Variants in NXPE2 observed in about 807,000 individuals in gnomAD.
NXPE2 encodes NXPE family member 2.
A neutral mutation model predicts 34.4 loss-of-function variants in NXPE2; 34 were observed. That is an observed-to-expected ratio of 0.99 (90% confidence interval 0.75 to 1.31). The LOEUF is 1.31. Among genes scored for constraint, NXPE2 ranks in the 40% most tolerant of loss-of-function variants. The probability of loss-of-function intolerance (pLI) is 0.00; values close to 1 mark genes in which losing one functional copy is unlikely to be tolerated. For synonymous variants in NXPE2, 235 were observed against 231.3 expected, an observed-to-expected ratio of 1.02 and a Z score of -0.15; for missense variants, 649 against 672.5, an observed-to-expected ratio of 0.97 and a Z score of 0.39.
chr11:114,691,481 G>A (rs796304572), intron 2 of NXPE2, among the ~76,000 whole-genome samples: 5 of 152,202 alleles, frequency 3.3e-5, no homozygotes, highest in African/African-American at 9.6e-5. Context: ...AGTAATAGCT[G>A]GCAGCTAGGG....
the NXPE2 span, among the ~76,000 whole-genome samples, chr11:114,764,351 G>T: frequency 6.6e-6 from 1 of 151,632 alleles, no homozygotes; most frequent in African/African-American, 2.4e-5. Flanking sequence ...AAGAGTCTTT[G>T]TTCTTAAAGA....
chr11:114,765,026 G>A, the NXPE2 span, among the ~76,000 whole-genome samples: 7 of 152,168 alleles, frequency 4.6e-5, no homozygotes, highest in African/African-American at 1.7e-4. Context: ...TCCACAAGGT[G>A]TACCTCATTC....
the NXPE2 span, among the ~76,000 whole-genome samples, chr11:114,499,819 C>T: frequency 3.9e-3 from 588 of 152,268 alleles, 9 homozygotes; most frequent in African/African-American, 0.013. Context: ...TCTGTCCCTA[C>T]TGATTCATTT....
At chr11:114,638,779 G>A in the NXPE2 span, among the ~76,000 whole-genome samples, 2 of 151,974 alleles carry the variant, frequency 1.3e-5, no homozygotes, top group Non-Finnish European at 2.9e-5. Flanking sequence ...CAGAACAGCG[G>A]ATTTTCGTGA....
the NXPE2 span, among the ~76,000 whole-genome samples, chr11:114,784,756 G>T: frequency 6.6e-6 from 1 of 152,156 alleles, no homozygotes; most frequent in Admixed American, 6.5e-5. Flanking sequence ...ATTCCTCTGA[G>T]GCAAAGAGAT....
chr11:114,797,232 G>C, the NXPE2 span, among the ~76,000 whole-genome samples: 1 of 152,286 alleles, frequency 6.6e-6, no homozygotes, highest in African/African-American at 2.4e-5. Flanking sequence ...TATATCCCAA[G>C]TGCCTAGCAT....
At chr11:114,582,071 A>G in the NXPE2 span, among the ~76,000 whole-genome samples, 4 of 152,150 alleles carry the variant, frequency 2.6e-5, no homozygotes, top group Admixed American at 6.5e-5. Flanking sequence ...TTTATTCTGT[A>G]TATATTTTTT....
the NXPE2 span, among the ~76,000 whole-genome samples, chr11:114,490,768 G>T: frequency 6.6e-6 from 1 of 152,170 alleles, no homozygotes; most frequent in East Asian, 1.9e-4. Flanking sequence ...AACCTAGGCA[G>T]TACCATTCAG....
chr11:114,483,161 G>A, the NXPE2 span, among the ~76,000 whole-genome samples: 1 of 152,082 alleles, frequency 6.6e-6, no homozygotes, highest in Non-Finnish European at 1.5e-5. Context: ...TCAATATATA[G>A]ATTTGTTAAA....
At chr11:114,662,138 G>A in the NXPE2 span, among the ~76,000 whole-genome samples, 1 of 152,130 alleles carries the variant, frequency 6.6e-6, no homozygotes, top group Admixed American at 6.6e-5. Flanking sequence ...CACTGAAGAA[G>A]TAGGAAAAAG....
the NXPE2 span, among the ~76,000 whole-genome samples, chr11:114,651,199 T>C: frequency 6.6e-6 from 1 of 152,146 alleles, no homozygotes; most frequent in African/African-American, 2.4e-5. Flanking sequence ...CGGTTGAGTG[T>C]TACAGTTCTT....
chr11:114,637,210 T>C, the NXPE2 span, among the ~76,000 whole-genome samples: 1 of 152,128 alleles, frequency 6.6e-6, no homozygotes, highest in African/African-American at 2.4e-5. Context: ...CCCTTTACCA[T>C]TAAGTAATGG....
At chr11:114,472,946 G>A in the NXPE2 span, among the ~76,000 whole-genome samples, 1 of 152,172 alleles carries the variant, frequency 6.6e-6, no homozygotes, top group Non-Finnish European at 1.5e-5. Context: ...AGTGTTCAAA[G>A]AGGTTTTTGA....
At chr11:114,716,766 T>C in the NXPE2 span, among the ~76,000 whole-genome samples, 1 of 152,176 alleles carries the variant, frequency 6.6e-6, no homozygotes, top group African/African-American at 2.4e-5. Flanking sequence ...ATCAGTCCAT[T>C]GCCACTTGAT....
chr11:114,522,490 A>G, the NXPE2 span: 1 of 1,597,822 alleles, frequency 6.3e-7, no homozygotes, highest in Non-Finnish European at 8.5e-7. Context: ...CATGAAGATC[A>G]AAAAACTTCA....
At chr11:114,663,281 TA>T in the NXPE2 span, among the ~76,000 whole-genome samples, 1 of 152,146 alleles carries the variant, frequency 6.6e-6, no homozygotes, top group African/African-American at 2.4e-5. Flanking sequence ...CGCAGTACAG[TA>T]GAACCATTAA....
chr11:114,626,215 TG>T, the NXPE2 span, among the ~76,000 whole-genome samples: 3 of 152,178 alleles, frequency 2.0e-5, no homozygotes, highest in African/African-American at 7.2e-5. Flanking sequence ...GCTCCACCTC[TG>T]GGGGCAGGGC....
the NXPE2 span, among the ~76,000 whole-genome samples, chr11:114,549,765 G>C: frequency 6.6e-6 from 1 of 152,026 alleles, no homozygotes; most frequent in Non-Finnish European, 1.5e-5. Context: ...CGAGACACTG[G>C]AATTGAAAAG....
chr11:114,590,405 A>C, the NXPE2 span, among the ~76,000 whole-genome samples: 11 of 152,142 alleles, frequency 7.2e-5, no homozygotes, highest in African/African-American at 2.7e-4. Flanking sequence ...TAAAATCCTC[A>C]AGCAACTGAC....
Sources: allele counts gnomAD v4.1 joint callset (sites outside exome capture counted in the v4.1 genomes callset), GRCh38; gene constraint gnomAD v4.1.1; transcripts MANE v1.5; gene names NCBI Gene and HGNC (gene_info 2026-07-23, HGNC 2026-07-21).